ACBD5: variants seen among roughly 807,000 people sequenced by gnomAD.
ACBD5 encodes acyl-CoA binding domain containing 5, also known as acyl-CoA-binding domain-containing protein 5.
In ACBD5, 40 loss-of-function variants were observed where a neutral mutation model predicts 71.8. That is an observed-to-expected ratio of 0.56 (90% CI 0.43 to 0.72). The LOEUF (loss-of-function observed/expected upper bound fraction) is 0.72. Ranked by LOEUF, ACBD5 falls within the 30% of genes least tolerant of loss-of-function variation. The pLI, the probability that ACBD5 is intolerant of heterozygous loss-of-function variation, is 0.00. For missense variants in ACBD5, 559 were observed against 644.5 expected (o/e 0.87, Z 1.44); for synonymous variants, 229 against 218.6 (o/e 1.05, Z -0.42).
chr10:27,234,282 T>C (rs1259751417), intron 3 of ACBD5, among the ~76,000 whole-genome samples: 1 of 152,150 alleles, frequency 6.6e-6, no homozygotes, highest in Non-Finnish European at 1.5e-5. Context: ...CTTTTAAGTA[T>C]ATAAAAGATC....
Position 27,196,149 on chromosome 10 carries a change from A to T in ACBD5, c.*1281T>A, listed in dbSNP as rs2059364994. 2.2e-6 allele frequency: 1 copy of T among 453,042 alleles called. No homozygotes were observed. Among genetic ancestry groups the T allele is most frequent in the Non-Finnish European group, 4.4e-6 (1 of 226,526 alleles). 28.1% of individuals were successfully genotyped at this position (453,042 alleles called of 1,614,324 possible). ...CAGGAGGTGGAAGTTGCAGTGAGCC[A>T]AGATCACGCCATTGCCCTCCAGCCT... On this transcript the variant is annotated 3_prime_UTR_variant, in exon 13 of 13. Transcript: ENST00000396271.
chr10:27,194,168 T>C (rs2059200880), downstream of ACBD5, among the ~76,000 whole-genome samples: 1 of 150,968 alleles, frequency 6.6e-6, no homozygotes, highest in African/African-American at 2.4e-5. Context: ...GGAGAATCAC[T>C]TGAACCTGGG....
At chr10:27,192,616 G>A (rs4749234), downstream of ACBD5, among the ~76,000 whole-genome samples, 2,586 of 151,886 alleles carry the variant, frequency 0.017, 128 homozygotes, top group East Asian at 0.14. Context: ...GAGGGGAAAG[G>A]GTGACCAGTA....
At position 27,203,521 on chromosome 10, in the gene ACBD5, C is replaced by T. The variant is rs908245543; in HGVS notation, c.1565+919G>A. Among the ~76,000 whole-genome samples the T allele has an allele frequency of 1.6e-4, 24 of 152,278 alleles. No homozygotes were observed. In the South Asian group the frequency reaches 3.5e-3, roughly 22 times the overall value. Reference sequence around the variant, plus strand: ...TGGGAGGCCAAGGCGGGCAAATCACCTGAGGTCAGGAGTTTGAGACCAGTC... The same window carrying T: ...TGGGAGGCCAAGGCGGGCAAATCACTTGAGGTCAGGAGTTTGAGACCAGTC... On this transcript the variant is annotated intron_variant, in intron 12 of 12. Coordinates refer to ENST00000396271, the MANE Select transcript of ACBD5 (RefSeq NM_145698.5).
chr10:27,239,753 GTT>G (rs2065223988), intron 2 of ACBD5, among the ~76,000 whole-genome samples: 1 of 151,978 alleles, frequency 6.6e-6, no homozygotes, highest in Non-Finnish European at 1.5e-5. Flanking sequence ...TTGTTTGTTT[GTT>G]TGTTTGTTTG....
chr10:27,185,257 T>G lies in ACBD5; in HGVS notation c.1494-2542A>C, dbSNP rs139188694. Reference sequence around the variant, plus strand: ...AGAGTCAAAACTGGAGCATTCATCATGGAAGATCAATGGCATGGAAGGTTT... The same window carrying G: ...AGAGTCAAAACTGGAGCATTCATCAGGGAAGATCAATGGCATGGAAGGTTT... On this transcript the variant is annotated intron_variant, in intron 13 of 13. Coordinates refer to the ACBD5 transcript ENST00000676511. Among the ~76,000 whole-genome samples, 1,387 of 152,280 alleles carry G rather than the reference T, an allele frequency of 9.1e-3. 14 individuals carry two copies. Among genetic ancestry groups the G allele is most frequent in the Middle Eastern group, 0.031 (9 of 294 alleles).
intron 10 of ACBD5, among the ~76,000 whole-genome samples, chr10:27,207,914 T>C (rs2060637382): frequency 6.6e-6 from 1 of 152,126 alleles, no homozygotes; most frequent in African/African-American, 2.4e-5. Context: ...TTTGTATTTT[T>C]AGTAGAGACA....
chr10:27,193,299 G>C (rs1182055982), downstream of ACBD5: 1 of 151,782 alleles, frequency 6.6e-6, no homozygotes, highest in Non-Finnish European at 1.5e-5. Flanking sequence ...CAACGTGTCT[G>C]GCACCTGTAA....
At chr10:27,189,628 G>GTGA (rs1554821104) in intron 13 of ACBD5, among the ~76,000 whole-genome samples, 1 of 126,820 alleles carries the variant, frequency 7.9e-6, no homozygotes, top group Non-Finnish European at 1.6e-5. Context: ...GTTGTGGGGT[G>GTGA]GGGGGGAGGG....
intron 8 of ACBD5, among the ~76,000 whole-genome samples, chr10:27,213,649 C>T (rs1247200378): frequency 1.3e-5 from 2 of 151,828 alleles, no homozygotes; most frequent in Non-Finnish European, 2.9e-5. Context: ...CCCAGCTACT[C>T]GGGAGGCTGA....
intron 10 of ACBD5, among the ~76,000 whole-genome samples, chr10:27,205,639 C>T (rs2060404831): frequency 6.6e-6 from 1 of 151,874 alleles, no homozygotes; most frequent in East Asian, 1.9e-4. Context: ...TGGCTCACTG[C>T]AACCGCTGCC....
intron 10 of ACBD5, among the ~76,000 whole-genome samples, chr10:27,206,248 T>A (rs2060455343): frequency 1.3e-5 from 2 of 151,368 alleles, no homozygotes; most frequent in African/African-American, 2.4e-5. Flanking sequence ...AGAAAATACA[T>A]CAAAAGAATT....
At chr10:27,210,453 A>G (rs1318703548) in intron 9 of ACBD5, among the ~76,000 whole-genome samples, 2 of 152,202 alleles carry the variant, frequency 1.3e-5, no homozygotes, top group African/African-American at 2.4e-5. Context: ...CCATCTCTAC[A>G]GAAAAACTTT....
At chr10:27,220,184 T>C (rs1292056110) in intron 5 of ACBD5, among the ~76,000 whole-genome samples, 1 of 152,168 alleles carries the variant, frequency 6.6e-6, no homozygotes, top group Non-Finnish European at 1.5e-5. Context: ...TCCTATATGC[T>C]AGGATGCTGA....
chr10:27,217,876 T>A (rs904640753), intron 7 of ACBD5, 104 bp downstream of exon 7: 1 of 1,074,624 alleles, frequency 9.3e-7, no homozygotes, highest in Non-Finnish European at 1.4e-6. Context: ...TAAGATATTA[T>A]TAAATAAGAG....
rs1206358840 is a variant in ACBD5 at position 27,195,367 on chromosome 10, A to G, written c.*2063T>C. 4.4e-6 allele frequency: 2 copies of G among 454,402 alleles called. No individual in the cohort carries two copies. Among genetic ancestry groups the G allele is most frequent in the South Asian group, 3.1e-5 (2 of 64,390 alleles). 28.1% of individuals were successfully genotyped at this position (454,402 alleles called of 1,614,324 possible). ...CCTATAATTACATCTTTACTTTTATATACAAGAACTGTGTGCAAAGTGCTT... is the reference window on the plus strand; with the variant it reads ...CCTATAATTACATCTTTACTTTTATGTACAAGAACTGTGTGCAAAGTGCTT... On this transcript the variant is annotated 3_prime_UTR_variant, in exon 13 of 13. Transcript: ENST00000396271.
At chr10:27,235,348 G>A (rs2064518562) in intron 2 of ACBD5, 136 bp from the exon 3 acceptor site, 12 of 1,160,456 alleles carry the variant, frequency 1.0e-5, no homozygotes, top group South Asian at 5.6e-5. Flanking sequence ...CTAGCTTATA[G>A]AAACAAAAGT....
At chr10:27,193,809 C>T (rs1044177710), downstream of ACBD5, among the ~76,000 whole-genome samples, 1 of 152,198 alleles carries the variant, frequency 6.6e-6, no homozygotes, top group African/African-American at 2.4e-5. Context: ...GGACTTCTAT[C>T]TCCAGACTTA....
chr10:27,195,019 G>A (rs1183490412), downstream of ACBD5, among the ~76,000 whole-genome samples: 1 of 151,960 alleles, frequency 6.6e-6, no homozygotes, highest in African/African-American at 2.4e-5. Context: ...CCAAGAATCT[G>A]ACTGGATTGC....
Sources: allele counts gnomAD v4.1 joint callset (sites outside exome capture counted in the v4.1 genomes callset), GRCh38; gene constraint gnomAD v4.1.1; transcripts MANE v1.5; gene names NCBI Gene and HGNC (gene_info 2026-07-23, HGNC 2026-07-21).